DNAH2: variants seen among roughly 807,000 people sequenced by gnomAD.
DNAH2 encodes the protein dynein axonemal heavy chain 2.
In DNAH2, 323 loss-of-function variants were observed where a neutral mutation model predicts 523.5. That is an observed-to-expected ratio of 0.62 (90% CI 0.56 to 0.68). The LOEUF (loss-of-function observed/expected upper bound fraction) is 0.68. Among genes scored for constraint, DNAH2 ranks in the 30% least tolerant of loss-of-function variants. The pLI is 0.00. For synonymous variants in DNAH2, 2,093 were observed against 2,177.4 expected, an observed-to-expected ratio of 0.96 and a Z score of 1.08; for missense variants, 4,907 against 5,701.5, an observed-to-expected ratio of 0.86 and a Z score of 4.49.
In DNAH2 at chr17:7,825,883, G is replaced by A. The variant is rs185044172; in HGVS notation, c.11853+1156G>A. Reference sequence around the variant, plus strand: ...CCCCCAAGACTCAGAATGTGATTACGTTTAGAGGCAGGATATTTTTTTAGA... The same window carrying A: ...CCCCCAAGACTCAGAATGTGATTACATTTAGAGGCAGGATATTTTTTTAGA... On this transcript the variant is annotated intron_variant, in intron 77 of 85. Coordinates refer to ENST00000572933, the MANE Select transcript of DNAH2 (RefSeq NM_020877.5). 2.0e-3 allele frequency among the ~76,000 whole-genome samples: 301 copies of A among 152,318 alleles called. 1 individual carries two copies. The highest frequency in any genetic ancestry group is 2.2e-3 in the Admixed American group (34 of 15,300).
At chr17:7,747,147 C>A (rs2075541334) in intron 12 of DNAH2, among the ~76,000 whole-genome samples, 2 of 151,894 alleles carry the variant, frequency 1.3e-5, no homozygotes, top group African/African-American at 4.8e-5. Context: ...TTGCAACTTG[C>A]CTTTTTTTTT....
At chr17:7,790,508 C>T (rs1029308521) in intron 44 of DNAH2, among the ~76,000 whole-genome samples, 5 of 152,170 alleles carry the variant, frequency 3.3e-5, no homozygotes, top group African/African-American at 7.2e-5. Context: ...AGGCATGAGC[C>T]ACCACACCAG....
At chr17:7,734,335 G>C in intron 6 of DNAH2, 42 bp downstream of exon 6, 3 of 1,606,750 alleles carry the variant, frequency 1.9e-6, no homozygotes, top group Non-Finnish European at 2.6e-6. Context: ...CGATCACAGG[G>C]GAGAGGGAAA....
chr17:7,806,605 G>C (rs994319415), intron 61 of DNAH2, among the ~76,000 whole-genome samples: 2 of 141,958 alleles, frequency 1.4e-5, no homozygotes, highest in Non-Finnish European at 3.0e-5. Context: ...CTTGCAGTGA[G>C]CCGAGATTGC....
intron 2 of DNAH2, among the ~76,000 whole-genome samples, chr17:7,721,668 T>G (rs307628): frequency 0.053 from 8,050 of 152,294 alleles, 682 homozygotes; most frequent in African/African-American, 0.18. Context: ...TTCCTGTTCC[T>G]CATGGTCTTT....
chr17:7,779,678 C>T (rs1049008425), intron 36 of DNAH2, among the ~76,000 whole-genome samples: 2 of 152,180 alleles, frequency 1.3e-5, no homozygotes, highest in African/African-American at 4.8e-5. Context: ...AGATACTTAG[C>T]TTTCTTCTCC....
intron 56 of DNAH2, among the ~76,000 whole-genome samples, chr17:7,800,768 G>A (rs1167024857): frequency 1.3e-5 from 2 of 150,442 alleles, no homozygotes; most frequent in Non-Finnish European, 3.0e-5. Context: ...TCGGGAGGCT[G>A]AGGCAGGAGA....
chr17:7,816,684 G>A lies in DNAH2; in HGVS notation c.9843G>A (p.Met3281Ile), dbSNP rs1459044540. The A allele has an allele frequency of 6.2e-7, 1 of 1,614,096 alleles. No homozygotes were observed. Among genetic ancestry groups the A allele is most frequent in the Non-Finnish European group, 8.5e-7 (1 of 1,180,058 alleles). The change falls in exon 64 of 86, where the codon ATG becomes ATA. Residue 3281 changes from methionine (M) to isoleucine (I), a missense_variant. By Grantham distance (10) the Met-to-Ile change is conservative (BLOSUM62 1). This residue lies in a region of DNAH2 where 1,851 missense variants were observed against 2,139.4 expected (regional missense o/e 0.87). Transcript: ENST00000572933. ...AGCTGAAGCTGGAGCGAGCTGGGAT[G>A]CTCGTGTCGGGGTTGGCTGGCGAGA... ...EMELKLERAG[M>I]LVSGLAGEKA...
In DNAH2 at chr17:7,734,283, A is replaced by G; in HGVS notation, c.729A>G (p.Gln243=). ...TGATAAAGGACAAAGAGCTGGTGCA[A>G]CGGCTAGAGAGTGAGTGGCTGGCAC... ...EMVIKDKELV[Q]RLETSMIHWT... The change falls in exon 6 of 86, where the codon CAA becomes CAG. Residue 243 remains glutamine (Q), a synonymous_variant. Coordinates refer to ENST00000572933, the MANE Select transcript of DNAH2 (RefSeq NM_020877.5). 2 of 1,607,218 alleles carry G rather than the reference A, an allele frequency of 1.2e-6. No homozygotes were observed. Among genetic ancestry groups the G allele is most frequent in the Non-Finnish European group, 1.7e-6 (2 of 1,176,690 alleles).
rs758862547 is a variant in DNAH2 at position 7,770,647 on chromosome 17, G to T, written c.4181+8G>T. 1 of 1,614,028 alleles carries T rather than the reference G, an allele frequency of 6.2e-7. No homozygotes were observed. Among genetic ancestry groups the T allele is most frequent in the South Asian group, 1.1e-5 (1 of 91,080 alleles). On this transcript the variant is annotated splice_region_variant and intron_variant, in intron 26 of 85. Transcript: ENST00000572933. ...GGGCCATCATCGGCTCAGGTCAGGG[G>T]AGCTGGGGCTCTAGGAGAATGGAGG...
At chr17:7,723,570 C>A (rs972454728) in intron 2 of DNAH2, 58 bp from the exon 3 acceptor site, 6 of 1,502,528 alleles carry the variant, frequency 4.0e-6, no homozygotes, top group African/African-American at 1.4e-5. Flanking sequence ...CCGCGCCCAG[C>A]TGACTGTGTT....
Position 7,760,618 on chromosome 17 carries a change from T to G in DNAH2, c.2786-122T>G. ...TCCTTTACCTTCTAATGTGCATGTT[T>G]GAGCTGTATTTCTCTGGGAAGCTGG... On this transcript the variant is annotated intron_variant, in intron 17 of 85. Transcript: ENST00000572933. This position sits in a 1 kb window ranked among gnomAD's most constrained non-coding sequence, Gnocchi z 4.0. 6 of 872,486 alleles carry G rather than the reference T, an allele frequency of 6.9e-6. No individual in the cohort carries two copies. Among genetic ancestry groups the G allele is most frequent in the Non-Finnish European group, 1.1e-5 (6 of 564,722 alleles). The allele number at this position is 872,486 out of a possible 1,614,324, so 54.0% of individuals were successfully genotyped here. A position where few individuals can be genotyped will look rare whatever the true frequency, so the allele number is the denominator to read the frequency against.
intron 22 of DNAH2, among the ~76,000 whole-genome samples, 159 bp downstream of exon 22, chr17:7,766,640 C>CTTTTTTTTTTT (rs58072098): frequency 4.7e-5 from 4 of 84,442 alleles, no homozygotes; most frequent in Admixed American, 1.5e-4. Context: ...AAAATTAATC[C>CTTTTTTTTTTT]TTTTTTTTTT....
rs79578814 is a variant in DNAH2, at chr17:7,823,986, G to A, written c.11478+4G>A. ...GCCTGTGCTGAATATGAAGTCGGTC[G>A]GTGGCTCGGCTTCCTTGTCCCCACG... is the stretch of plus-strand genomic sequence containing the variant. On this transcript the variant is annotated splice_donor_region_variant and intron_variant, in intron 75 of 85. Coordinates refer to ENST00000572933, the MANE Select transcript of DNAH2 (RefSeq NM_020877.5). 2,314 of 1,610,904 alleles carry A rather than the reference G, an allele frequency of 1.4e-3. 17 individuals are homozygous for A. The African/African-American group carries it at 0.021, about 15-fold the overall frequency.
intron 7 of DNAH2, among the ~76,000 whole-genome samples, chr17:7,735,224 A>G (rs1412845312): frequency 6.6e-6 from 1 of 150,898 alleles, no homozygotes; most frequent in Non-Finnish European, 1.5e-5. Flanking sequence ...TCTGCCTCCC[A>G]GGTTCAAGGG....
chr17:7,820,009 A>G (rs1247002646), intron 72 of DNAH2, among the ~76,000 whole-genome samples: 1 of 152,080 alleles, frequency 6.6e-6, no homozygotes, highest in Non-Finnish European at 1.5e-5. Flanking sequence ...GGGTCTCCCT[A>G]TGTTGCCCTG....
chr17:7,804,844 TC>T, intron 59 of DNAH2, 113 bp from the exon 60 acceptor site: 2 of 856,552 alleles, frequency 2.3e-6, no homozygotes, highest in South Asian at 1.7e-5. Context: ...AGACTCCATC[TC>T]AAAAAAAAAA....
Position 7,754,966 on chromosome 17 carries a change from G to GAAAA in DNAH2, c.1905-2113_1905-2110dup. 7.2e-6 allele frequency: 2 copies of GAAAA among 277,146 alleles called. No homozygotes were observed. Among genetic ancestry groups the GAAAA allele is most frequent in the Non-Finnish European group, 1.3e-5 (2 of 156,168 alleles). The allele number at this position is 277,146 out of a possible 1,614,324, so 17.2% of individuals were successfully genotyped here. The stretch of plus-strand genomic sequence containing the variant: ...TATTGGTACAAATAAGCCTGAGGCA[G>GAAAA]AAAAAAAAAAAAAAAGAATAGGCAG... On this transcript the variant is annotated intron_variant, in intron 12 of 85. Coordinates refer to ENST00000572933, the MANE Select transcript of DNAH2 (RefSeq NM_020877.5). The surrounding 1 kb of genome is among the most constrained non-coding windows in gnomAD (Gnocchi z 4.6).
intron 63 of DNAH2, among the ~76,000 whole-genome samples, chr17:7,809,462 C>T (rs2077452784): frequency 6.6e-6 from 1 of 152,192 alleles, no homozygotes; most frequent in South Asian, 2.1e-4. Flanking sequence ...ACCTGCTCCT[C>T]CACGGCTCCG....
Sources: allele counts gnomAD v4.1 joint callset (sites outside exome capture counted in the v4.1 genomes callset), GRCh38; gene constraint gnomAD v4.1.1; regional missense constraint gnomAD v4.1.1; non-coding constraint Gnocchi (gnomAD v3.1); transcripts MANE v1.5; gene names NCBI Gene and HGNC (gene_info 2026-07-23, HGNC 2026-07-21).